Variants in NLN observed in about 807,000 individuals in gnomAD.
NLN encodes the protein neurolysin, mitochondrial.
In NLN, 64 loss-of-function variants were observed where a neutral mutation model predicts 79.9. The ratio of observed to expected loss-of-function variants is 0.80; its 90% CI spans 0.65 to 0.99. The LOEUF (loss-of-function observed/expected upper bound fraction) is 0.99. NLN is among the 50% of genes least tolerant of loss of function. The pLI is 0.00. For synonymous variants in NLN, 267 were observed against 296.6 expected (o/e 0.90, Z 1.02); for missense variants, 835 against 858.7 (o/e 0.97, Z 0.34).
chr5:65,724,536 A>G (rs1312561626), intron 1 of NLN, among the ~76,000 whole-genome samples: 1 of 152,164 alleles, frequency 6.6e-6, no homozygotes, highest in Middle Eastern at 3.2e-3. Context: ...GAATACTACT[A>G]CTATGATCAT....
intron 8 of NLN, among the ~76,000 whole-genome samples, chr5:65,789,324 G>C (rs1760006149): frequency 6.6e-6 from 1 of 152,172 alleles, no homozygotes. Context: ...AATATTAGTA[G>C]TACCTGCTTT....
intron 6 of NLN, among the ~76,000 whole-genome samples, chr5:65,784,692 C>A (rs1470352483): frequency 3.3e-5 from 5 of 152,222 alleles, no homozygotes; most frequent in African/African-American, 1.2e-4. Context: ...GGGGAACATT[C>A]AGACCATAGC....
At position 65,792,674 on chromosome 5, in the gene NLN, C is replaced by T; in HGVS notation, c.1527+19C>T. 3 of 1,580,258 alleles carry T rather than the reference C, an allele frequency of 1.9e-6. No homozygotes were observed. The highest frequency in any genetic ancestry group is 2.6e-6 in the Non-Finnish European group (3 of 1,149,536). ...TGCACAGGTGAGTTTTTTTTTTCCC[C>T]CAGTAAACCTGCCAATTAGTTTTTT... On this transcript the variant is annotated intron_variant, in intron 9 of 12. Transcript: ENST00000380985.
chr5:65,795,901 C>T (rs1181918669), intron 9 of NLN, among the ~76,000 whole-genome samples: 1 of 151,882 alleles, frequency 6.6e-6, no homozygotes, highest in African/African-American at 2.4e-5. Flanking sequence ...ATCCAAAATC[C>T]AGTTATATGT....
At chr5:65,797,005 A>G (rs1173516067) in intron 9 of NLN, among the ~76,000 whole-genome samples, 1 of 152,250 alleles carries the variant, frequency 6.6e-6, no homozygotes, top group Non-Finnish European at 1.5e-5. Flanking sequence ...ATGTAGATGC[A>G]CTAGTTCAAT....
chr5:65,749,784 TAAG>T (rs1308233773), intron 1 of NLN, among the ~76,000 whole-genome samples: 1 of 152,218 alleles, frequency 6.6e-6, no homozygotes, highest in Non-Finnish European at 1.5e-5. Flanking sequence ...TGTAAAATAA[TAAG>T]GACATGAAAT....
Position 65,787,694 on chromosome 5 carries a change from TCA to T in NLN, c.959-421_959-420del, listed in dbSNP as rs1323563886. On this transcript the variant is annotated intron_variant, in intron 7 of 12. Coordinates refer to ENST00000380985, the MANE Select transcript of NLN (RefSeq NM_020726.5). Reference sequence around the variant, plus strand: ...ATTTCTAGATAACATTGACCACAGGTCACATCTGATGTGTTTTCCCTAGCTTT... The same window carrying T: ...ATTTCTAGATAACATTGACCACAGGTCATCTGATGTGTTTTCCCTAGCTTT... Among the ~76,000 whole-genome samples the T allele has an allele frequency of 3.9e-5, 6 of 152,328 alleles. No homozygotes were observed. In the South Asian group the frequency reaches 1.2e-3, roughly 32 times the overall value.
chr5:65,758,934 T>C, intron 2 of NLN, 108 bp downstream of exon 2: 1 of 972,228 alleles, frequency 1.0e-6, no homozygotes, highest in Admixed American at 2.3e-5. Flanking sequence ...GATTTTTACA[T>C]TATAATTAAT....
At chr5:65,768,583 A>G (rs1162641937) in intron 3 of NLN, among the ~76,000 whole-genome samples, 1 of 152,248 alleles carries the variant, frequency 6.6e-6, no homozygotes, top group African/African-American at 2.4e-5. Flanking sequence ...CCATAACAAA[A>G]TACCATAGAC....
intron 1 of NLN, among the ~76,000 whole-genome samples, chr5:65,742,009 CTATT>C (rs1758878245): frequency 1.3e-5 from 2 of 152,020 alleles, no homozygotes; most frequent in East Asian, 1.9e-4. Context: ...TCTGAAAGCT[CTATT>C]TGTCAGTGGC....
chr5:65,723,210 G>A (rs547248060), intron 1 of NLN, among the ~76,000 whole-genome samples: 1 of 152,220 alleles, frequency 6.6e-6, no homozygotes, highest in African/African-American at 2.4e-5. Flanking sequence ...GAAAATGTGT[G>A]CTTCTTGCTA....
intron 6 of NLN, among the ~76,000 whole-genome samples, chr5:65,785,548 A>G (rs1759899889): frequency 6.6e-6 from 1 of 150,878 alleles, no homozygotes; most frequent in Non-Finnish European, 1.5e-5. Flanking sequence ...AAGACCTCAT[A>G]GTTCTGAAGT....
At chr5:65,815,690 A>G (rs1760654331) in intron 12 of NLN, among the ~76,000 whole-genome samples, 1 of 152,128 alleles carries the variant, frequency 6.6e-6, no homozygotes, top group African/African-American at 2.4e-5. Context: ...CCCTTTGCAG[A>G]TACTAAAAGA....
chr5:65,734,788 A>G (rs971872575), intron 1 of NLN, among the ~76,000 whole-genome samples: 1 of 152,216 alleles, frequency 6.6e-6, no homozygotes, highest in Non-Finnish European at 1.5e-5. Context: ...TATAAGGTCC[A>G]TACTGTCAGG....
intron 9 of NLN, among the ~76,000 whole-genome samples, chr5:65,808,942 A>G (rs146411687): frequency 6.6e-6 from 1 of 152,340 alleles, no homozygotes; most frequent in East Asian, 1.9e-4. Flanking sequence ...AGCATCGCAC[A>G]CTCAAAGTCT....
intron 1 of NLN, among the ~76,000 whole-genome samples, chr5:65,727,557 A>G (rs1464608008): frequency 6.6e-6 from 1 of 152,084 alleles, no homozygotes; most frequent in Non-Finnish European, 1.5e-5. Context: ...AAACCTCTAT[A>G]TTGCCATAGC....
At chr5:65,744,971 C>T (rs1758943695) in intron 1 of NLN, among the ~76,000 whole-genome samples, 1 of 152,158 alleles carries the variant, frequency 6.6e-6, no homozygotes, top group Non-Finnish European at 1.5e-5. Context: ...TTTGCCATTT[C>T]CTGGGAGTAC....
At chr5:65,816,465 G>T (rs900221872) in intron 12 of NLN, among the ~76,000 whole-genome samples, 10 of 151,484 alleles carry the variant, frequency 6.6e-5, no homozygotes, top group African/African-American at 2.4e-4. Flanking sequence ...GAAATAATCT[G>T]TATGGCAAAC....
chr5:65,819,842 AT>A (rs999939627), intron 12 of NLN, among the ~76,000 whole-genome samples: 36 of 151,386 alleles, frequency 2.4e-4, no homozygotes, highest in African/African-American at 7.8e-4. Context: ...TCACTTAACT[AT>A]TTTTTTTTCC....
Sources: allele counts gnomAD v4.1 joint callset (sites outside exome capture counted in the v4.1 genomes callset), GRCh38; gene constraint gnomAD v4.1.1; transcripts MANE v1.5; gene names NCBI Gene and HGNC (gene_info 2026-07-23, HGNC 2026-07-21).